The following ATP2C2 variants were observed in gnomAD, a reference collection of about 807,000 sequenced individuals.
ATP2C2 encodes the protein calcium-transporting ATPase type 2C member 2.
ATP2C2 carries 171 observed loss-of-function variants against 110.8 expected under a neutral mutation model. That is an observed-to-expected ratio of 1.54 (90% CI 1.36 to 1.75). The LOEUF (loss-of-function observed/expected upper bound fraction) is 1.75, where lower values mean the gene tolerates loss of function less well. Ranked by LOEUF, ATP2C2 falls within the 40% of genes most tolerant of loss-of-function variation. The probability of loss-of-function intolerance (pLI) is 0.00; values close to 1 mark genes in which losing one functional copy is unlikely to be tolerated. For missense variants in ATP2C2, 1,963 were observed against 1,235.0 expected (o/e 1.59, Z -8.84); for synonymous variants, 804 against 508.4 (o/e 1.58, Z -7.82).
chr16:84,403,834 G>A (rs1434523904), intron 2 of ATP2C2, among the ~76,000 whole-genome samples: 1 of 152,128 alleles, frequency 6.6e-6, no homozygotes, highest in Non-Finnish European at 1.5e-5. Context: ...GGGATTACAG[G>A]CACATGCCAC....
At chr16:84,417,256 G>A (rs78338092) in intron 7 of ATP2C2, among the ~76,000 whole-genome samples, 2 of 152,160 alleles carry the variant, frequency 1.3e-5, no homozygotes. Context: ...TGTGGGGGCT[G>A]CCGTACTGCA....
chr16:84,416,123 G>A lies in ATP2C2; in HGVS notation c.624+532G>A, dbSNP rs1487970036. Reference sequence around the variant, plus strand: ...CGGGAGGCGGAGGTTGCAGTGAGCCGAGACCACGCCACTGCACTCTAGCCT... The same window carrying A: ...CGGGAGGCGGAGGTTGCAGTGAGCCAAGACCACGCCACTGCACTCTAGCCT... On this transcript the variant is annotated intron_variant, in intron 7 of 26. Transcript: ENST00000262429. Among the ~76,000 whole-genome samples, 7 of 152,166 alleles carry A rather than the reference G, an allele frequency of 4.6e-5. No homozygotes were observed. The East Asian group carries it at 7.7e-4, about 17-fold the overall frequency.
intron 1 of ATP2C2, among the ~76,000 whole-genome samples, chr16:84,381,074 G>A (rs1037064187): frequency 1.1e-3 from 171 of 152,292 alleles, no homozygotes; most frequent in African/African-American, 3.8e-3. Flanking sequence ...TATTTCACCT[G>A]GGTGCAGGCG....
chr16:84,439,275 A>G lies in ATP2C2; in HGVS notation c.1096A>G (p.Ile366Val). ...GCGGGTCATCGTGAAGAAGTTACCC[A>G]TCGTGGAGACTTTAGGTGAGGGACT... ...KKRVIVKKLP[I>V]VETLGCCSVL... The change falls in exon 12 of 27, where the codon ATC becomes GTC. Residue 366 changes from isoleucine (I) to valine (V), a missense_variant. Physicochemically the swap from Ile to Val is conservative, Grantham distance 29. Coordinates refer to ENST00000262429, the MANE Select transcript of ATP2C2 (RefSeq NM_014861.4). 5.6e-6 allele frequency: 9 copies of G among 1,612,822 alleles called. No homozygotes were observed. Among genetic ancestry groups the G allele is most frequent in the Non-Finnish European group, 7.6e-6 (9 of 1,180,006 alleles).
intron 26 of ATP2C2, 130 bp from the exon 27 acceptor site, chr16:84,463,484 T>A (rs896239708): frequency 1.3e-6 from 1 of 752,984 alleles, no homozygotes; most frequent in African/African-American, 1.7e-5. Flanking sequence ...CTCCCTGCCT[T>A]CAGGGGAATG....
chr16:84,376,686 A>G (rs1910269053), intron 1 of ATP2C2, among the ~76,000 whole-genome samples: 1 of 152,136 alleles, frequency 6.6e-6, no homozygotes, highest in Non-Finnish European at 1.5e-5. Flanking sequence ...ATCGGGGAGG[A>G]CAGTCATGGC....
intron 1 of ATP2C2, among the ~76,000 whole-genome samples, chr16:84,385,549 G>C (rs1904307768): frequency 6.6e-6 from 1 of 152,160 alleles, no homozygotes; most frequent in Admixed American, 6.5e-5. Flanking sequence ...GATATCAGTA[G>C]GAATGCAAGG....
rs567149900 is a variant in ATP2C2, at chr16:84,368,566, G to C, written c.-50G>C. The C allele has an allele frequency of 6.6e-5, 94 of 1,414,890 alleles. No individual in the cohort carries two copies. The East Asian group carries it at 2.0e-3, about 30-fold the overall frequency. The allele number at this position is 1,414,890 out of a possible 1,614,324, so 87.6% of individuals were successfully genotyped here. On this transcript the variant is annotated 5_prime_UTR_variant, in exon 1 of 27. Coordinates refer to ENST00000262429, the MANE Select transcript of ATP2C2 (RefSeq NM_014861.4). ...AGGCTTGGGCGCGCGCAGCCATCCC[G>C]GGCCTCGCCGGGGACCTAGGGACGC...
chr16:84,411,003 G>C lies in ATP2C2; in HGVS notation c.515+238G>C, dbSNP rs573809754. 1.4e-5 allele frequency: 8 copies of C among 562,660 alleles called. No individual in the cohort carries two copies. In the East Asian group the frequency reaches 2.1e-4, roughly 15 times the overall value. 34.9% of individuals were successfully genotyped at this position (562,660 alleles called of 1,614,324 possible). ...ATCAGTGTCTAAATCAGGGTGCCTA[G>C]CCTGAGGACCACAGGTAGCAGGAGT... is the stretch of plus-strand genomic sequence containing the variant. On this transcript the variant is annotated intron_variant, in intron 6 of 26. Transcript: ENST00000262429.
chr16:84,368,772 T>A (rs1028422834), intron 1 of ATP2C2, 58 bp downstream of exon 1: 2 of 1,377,880 alleles, frequency 1.5e-6, no homozygotes, highest in East Asian at 2.9e-5. Context: ...CCCTCCGTCG[T>A]AACCGTCCCC....
chr16:84,389,236 C>T (rs1904504273), intron 1 of ATP2C2, among the ~76,000 whole-genome samples: 1 of 152,218 alleles, frequency 6.6e-6, no homozygotes, highest in Non-Finnish European at 1.5e-5. Flanking sequence ...GCCTGTTCTT[C>T]CCTCAGCCCA....
At position 84,461,746 on chromosome 16, in the gene ATP2C2, C is replaced by A. The variant is rs201356589; in HGVS notation, c.2514C>A (p.Thr838=). 3.2e-5 allele frequency: 51 copies of A among 1,614,080 alleles called. No individual in the cohort carries two copies. The highest frequency in any genetic ancestry group is 4.0e-5 in the Non-Finnish European group (47 of 1,180,028). Residue 838 remains threonine, a synonymous_variant, in exon 25 of 27, where the codon ACC becomes ACA. Transcript: ENST00000262429. ...AAGACAGAGCAAGCACTCCCCGCAC[C>A]ACGACGATGACGTTCACTTGTTTTG... ...MPEDRASTPR[T]TTMTFTCFVF...
chr16:84,433,093 A>C (rs1485401484), intron 11 of ATP2C2, among the ~76,000 whole-genome samples: 1 of 152,120 alleles, frequency 6.6e-6, no homozygotes, highest in African/African-American at 2.4e-5. Flanking sequence ...AATCTTCCCC[A>C]AGTAGGCTGG....
intron 3 of ATP2C2, 112 bp from the exon 4 acceptor site, chr16:84,408,293 G>T: frequency 1.0e-6 from 1 of 1,004,932 alleles, no homozygotes; most frequent in Non-Finnish European, 1.5e-6. Flanking sequence ...GTGTTGACCT[G>T]GAAGCCTGGC....
At chr16:84,429,037 A>G (rs766059883) in intron 11 of ATP2C2, among the ~76,000 whole-genome samples, 9 of 152,180 alleles carry the variant, frequency 5.9e-5, no homozygotes, top group Non-Finnish European at 1.3e-4. Context: ...GGCTCTGGAT[A>G]ATGAAACCCA....
At chr16:84,372,786 T>C (rs953858402) in intron 1 of ATP2C2, among the ~76,000 whole-genome samples, 1 of 152,152 alleles carries the variant, frequency 6.6e-6, no homozygotes, top group African/African-American at 2.4e-5. Flanking sequence ...ATAAAACTTG[T>C]AATAAACATA....
intron 4 of ATP2C2, 118 bp downstream of exon 4, chr16:84,408,612 A>C (rs895943016): frequency 1.4e-5 from 11 of 773,020 alleles, no homozygotes; most frequent in Non-Finnish European, 2.3e-5. Context: ...AAAGGAGCAT[A>C]CAGAAGAAAG....
chr16:84,409,537 T>G (rs960871688), intron 4 of ATP2C2, among the ~76,000 whole-genome samples: 1 of 151,924 alleles, frequency 6.6e-6, no homozygotes, highest in African/African-American at 2.4e-5. Context: ...TGAGACAGAG[T>G]CTTGCTGTGT....
rs546349493 is a variant in ATP2C2 at position 84,406,920 on chromosome 16, A to G, written c.328-1485A>G. 1.6e-4 allele frequency among the ~76,000 whole-genome samples: 24 copies of G among 152,066 alleles called. 1 individual carries two copies. The South Asian group carries it at 5.0e-3, about 32-fold the overall frequency. ...GTGAACATCTTCCTTCTCACCAAGG[A>G]TCCTCCTCCAGCCTCCAGCCAGGGT... On this transcript the variant is annotated intron_variant, in intron 3 of 26. Coordinates refer to ENST00000262429, the MANE Select transcript of ATP2C2 (RefSeq NM_014861.4).
Sources: allele counts gnomAD v4.1 joint callset (sites outside exome capture counted in the v4.1 genomes callset), GRCh38; gene constraint gnomAD v4.1.1; transcripts MANE v1.5; gene names NCBI Gene and HGNC (gene_info 2026-07-23, HGNC 2026-07-21).